IMPG1: variants seen among roughly 807,000 people sequenced by gnomAD.
IMPG1 encodes the protein interphotoreceptor matrix proteoglycan 1.
IMPG1 carries 85 observed loss-of-function variants against 92.0 expected under a neutral mutation model. The ratio of observed to expected loss-of-function variants is 0.92; its 90% CI spans 0.78 to 1.11. The LOEUF is 1.11. Among genes scored for constraint, IMPG1 ranks in the 50% least tolerant of loss-of-function variants. The pLI, the probability that IMPG1 is intolerant of heterozygous loss-of-function variation, is 0.00. For synonymous variants in IMPG1, 367 were observed against 334.1 expected (o/e 1.10, Z -1.08); for missense variants, 1,022 against 956.0 (o/e 1.07, Z -0.91).
chr6:75,974,329 CCCTTTCTT>C (rs1373912078), intron 12 of IMPG1, among the ~76,000 whole-genome samples: 25 of 122,618 alleles, frequency 2.0e-4, no homozygotes, highest in African/African-American at 6.0e-4. Context: ...CTCTTTCTTT[CCCTTTCTT>C]TCTTTCTTTC....
Position 76,034,315 on chromosome 6 carries a change from C to T in IMPG1, c.497G>A (p.Arg166Lys). ...QRIKQRSFPD[R>K]KDEISAEKTL... ...CACACACTCTATTTTGGGTACTTGC[C>T]TGTCAGGGAAACTTCTCTGTTTTAT... Residue 166 changes from arginine to lysine, a missense_variant and splice_region_variant, in exon 4 of 17, where the codon AGA becomes AAA. Arg to Lys is a conservative substitution (Grantham distance 26). Transcript: ENST00000369950. 1 of 1,613,170 alleles carries T rather than the reference C, an allele frequency of 6.2e-7. No individual in the cohort carries two copies. Among genetic ancestry groups the T allele is most frequent in the East Asian group, 2.2e-5 (1 of 44,856 alleles).
rs375810046 is a variant in IMPG1 at position 75,947,551 on chromosome 6, G to C, written c.1825-18C>G. On this transcript the variant is annotated intron_variant, in intron 13 of 16. Coordinates refer to ENST00000369950, the MANE Select transcript of IMPG1 (RefSeq NM_001563.4). ...GGAACCAGCTGCAAAATAAAAGATG[G>C]TTTCCTCTTAACTGTGTTCTAAGTG... The C allele has an allele frequency of 3.2e-6, 5 of 1,583,018 alleles. No homozygotes were observed. Among genetic ancestry groups the C allele is most frequent in the Non-Finnish European group, 4.3e-6 (5 of 1,154,298 alleles).
chr6:76,034,586 A>G (rs749847988), intron 3 of IMPG1, 35 bp downstream of exon 3: 1 of 1,608,494 alleles, frequency 6.2e-7, no homozygotes, highest in Non-Finnish European at 8.5e-7. Flanking sequence ...CTGTTCGTGC[A>G]GTGTTCCAAA....
intron 1 of IMPG1, among the ~76,000 whole-genome samples, chr6:76,049,976 T>A (rs183479912): frequency 2.0e-5 from 3 of 152,306 alleles, no homozygotes; most frequent in African/African-American, 7.2e-5. Flanking sequence ...CCAGTGTAAC[T>A]ATGATAATTT....
chr6:76,052,159 C>T (rs777134908), intron 1 of IMPG1, among the ~76,000 whole-genome samples: 8 of 152,126 alleles, frequency 5.3e-5, no homozygotes, highest in Admixed American at 1.3e-4. Context: ...GGGGATGACC[C>T]TCTGAACAGG....
rs1378143883 is a variant in IMPG1, at chr6:75,950,858, C to T, written c.1528G>A (p.Ala510Thr). The T allele has an allele frequency of 6.2e-7, 1 of 1,613,830 alleles. No individual in the cohort carries two copies. ...PASSDDSRSS[A>T]GGEDMVRHLD... ...TGTCTGACCATATCTTCGCCACCTG[C>T]ACTTGATCGGCTGTCATCTGAAGAT... The change falls in exon 13 of 17, where the codon GCA (alanine) becomes ACA (threonine). Residue 510 changes from alanine to threonine, a missense_variant. By Grantham distance (58) the Ala-to-Thr change is moderately conservative. This residue lies in a region of IMPG1 where 9 missense variants were observed against 26.2 expected (regional missense o/e 0.34). Coordinates refer to ENST00000369950, the MANE Select transcript of IMPG1 (RefSeq NM_001563.4).
In IMPG1 at chr6:75,958,539, G is replaced by T. The variant is rs578041031; in HGVS notation, c.1292-7445C>A. Among the ~76,000 whole-genome samples the T allele has an allele frequency of 3.9e-5, 6 of 152,092 alleles. No homozygotes were observed. In the South Asian group the frequency reaches 1.2e-3, roughly 32 times the overall value. ...TTCCAGGTACACCAATCACATGTAG[G>T]TTTGGTCTTTTCACATAGTCCCATA... is the stretch of plus-strand genomic sequence containing the variant. On this transcript the variant is annotated intron_variant, in intron 12 of 16. Coordinates refer to ENST00000369950, the MANE Select transcript of IMPG1 (RefSeq NM_001563.4).
At chr6:75,966,989 C>A (rs1221292221) in intron 12 of IMPG1, among the ~76,000 whole-genome samples, 1 of 152,112 alleles carries the variant, frequency 6.6e-6, no homozygotes, top group East Asian at 1.9e-4. Context: ...ACTAGCCTGG[C>A]CAACATGGCG....
At chr6:76,027,078 T>C (rs564161107) in intron 4 of IMPG1, among the ~76,000 whole-genome samples, 6 of 152,324 alleles carry the variant, frequency 3.9e-5, no homozygotes, top group African/African-American at 1.4e-4. Context: ...TTGGATCTAA[T>C]TTTTTTAAGG....
At chr6:75,949,441 G>A (rs1311655351) in intron 13 of IMPG1, among the ~76,000 whole-genome samples, 2 of 152,182 alleles carry the variant, frequency 1.3e-5, no homozygotes, top group East Asian at 3.9e-4. Context: ...GGTCTAAAAA[G>A]GGGAGGCATG....
chr6:76,007,746 T>C (rs529050426), intron 8 of IMPG1, among the ~76,000 whole-genome samples: 21 of 152,234 alleles, frequency 1.4e-4, no homozygotes, highest in Non-Finnish European at 2.8e-4. Context: ...ATTTGAGCCT[T>C]AGTTCAAAGA....
intron 12 of IMPG1, among the ~76,000 whole-genome samples, chr6:75,995,849 G>C (rs1358209049): frequency 6.6e-6 from 1 of 152,168 alleles, no homozygotes; most frequent in Non-Finnish European, 1.5e-5. Flanking sequence ...TATCATCCCT[G>C]AAATAAACTC....
At chr6:76,018,049 A>C (rs971306090) in intron 7 of IMPG1, among the ~76,000 whole-genome samples, 1 of 152,158 alleles carries the variant, frequency 6.6e-6, no homozygotes, top group African/African-American at 2.4e-5. Flanking sequence ...GGCAAAACCT[A>C]CTAATTTTTG....
intron 10 of IMPG1, 44 bp downstream of exon 10, chr6:76,005,243 G>A (rs201659875): frequency 1.8e-4 from 287 of 1,591,162 alleles, no homozygotes; most frequent in Non-Finnish European, 2.4e-4. Context: ...CTTAGTCTCT[G>A]CCAAAATGAG....
At chr6:76,020,025 C>T (rs141646443) in intron 6 of IMPG1, among the ~76,000 whole-genome samples, 3 of 152,000 alleles carry the variant, frequency 2.0e-5, no homozygotes, top group Admixed American at 6.6e-5. Flanking sequence ...GAACATTTTT[C>T]AGAAAAATAC....
chr6:75,936,368 T>C (rs9343336), intron 14 of IMPG1, among the ~76,000 whole-genome samples: 41,733 of 152,152 alleles, frequency 0.27, 6,035 homozygotes, highest in Non-Finnish European at 0.34. Context: ...TATGTTTAAG[T>C]TTTTGTTGAT....
At chr6:75,939,472 T>C (rs1387328100) in intron 14 of IMPG1, among the ~76,000 whole-genome samples, 1 of 152,088 alleles carries the variant, frequency 6.6e-6, no homozygotes, top group African/African-American at 2.4e-5. Flanking sequence ...GTCCTTGCAA[T>C]AGTTTGCTGA....
At chr6:75,968,816 AG>A (rs1023564024) in intron 12 of IMPG1, among the ~76,000 whole-genome samples, 1 of 152,124 alleles carries the variant, frequency 6.6e-6, no homozygotes, top group Non-Finnish European at 1.5e-5. Flanking sequence ...TGCAGCCCAA[AG>A]GCCCTCAACC....
intron 12 of IMPG1, among the ~76,000 whole-genome samples, chr6:75,982,399 G>A (rs996288406): frequency 1.3e-5 from 2 of 151,968 alleles, no homozygotes; most frequent in African/African-American, 4.8e-5. Flanking sequence ...AAATTAGCCA[G>A]GCATGGTGGC....
Sources: gnomAD v4.1 joint callset for allele counts (sites outside exome capture counted in the v4.1 genomes callset) on GRCh38, gnomAD v4.1.1 for gene constraint, gnomAD v4.1.1 regional missense constraint, MANE v1.5 for transcripts, NCBI Gene and HGNC (gene_info 2026-07-23, HGNC 2026-07-21) for gene names.